ICA1L: variants seen among roughly 807,000 people sequenced by gnomAD.
The protein encoded by ICA1L is islet cell autoantigen 1 like, also known as islet cell autoantigen 1-like protein.
ICA1L carries 50 observed loss-of-function variants against 61.3 expected under a neutral mutation model. The ratio of observed to expected loss-of-function variants is 0.82; its 90% confidence interval spans 0.65 to 1.03. ICA1L has a LOEUF of 1.03. ICA1L is among the 50% of genes least tolerant of loss of function. The pLI is 0.00. For synonymous variants in ICA1L, 161 were observed against 191.3 expected (o/e 0.84, Z 1.31); for missense variants, 508 against 556.7 (o/e 0.91, Z 0.88).
At chr2:202,853,785 C>A (rs1190441989) in intron 1 of ICA1L, among the ~76,000 whole-genome samples, 2 of 152,080 alleles carry the variant, frequency 1.3e-5, no homozygotes, top group African/African-American at 2.4e-5. Flanking sequence ...TCATATCCAG[C>A]CAAACTAAGC....
chr2:202,834,693 G>T (rs4675299), intron 1 of ICA1L, among the ~76,000 whole-genome samples: 134,773 of 152,208 alleles, frequency 0.89, 60,411 homozygotes, highest in Non-Finnish European at 0.95. Context: ...CAATTATCAA[G>T]GTGCTGCCAT....
chr2:202,805,053 A>T (rs1391292242), intron 9 of ICA1L, among the ~76,000 whole-genome samples: 2 of 152,218 alleles, frequency 1.3e-5, no homozygotes, highest in East Asian at 3.8e-4. Flanking sequence ...ATCCTGATAC[A>T]AGCCCCATCA....
Position 202,796,809 on chromosome 2 carries a change from C to G in ICA1L, c.985+81G>C, listed in dbSNP as rs963193183. On this transcript the variant is annotated intron_variant, in intron 10 of 12. Transcript: ENST00000358299. ...TCTTATGTAGAGACCCAGACAGTTTCTAATGTTAAGGAAATAAATGTTAAA... is the reference window on the plus strand; with the variant it reads ...TCTTATGTAGAGACCCAGACAGTTTGTAATGTTAAGGAAATAAATGTTAAA... The G allele has an allele frequency of 2.6e-5, 21 of 816,660 alleles. No homozygotes were observed. In the African/African-American group the frequency reaches 3.6e-4, roughly 14 times the overall value. The allele number at this position is 816,660 out of a possible 1,614,324, so 50.6% of individuals were successfully genotyped here. A position where few individuals can be genotyped will look rare whatever the true frequency, so the allele number is the denominator to read the frequency against.
At chr2:202,816,946 TTAGAAA>T (rs1693555915) in intron 6 of ICA1L, among the ~76,000 whole-genome samples, 1 of 152,192 alleles carries the variant, frequency 6.6e-6, no homozygotes, top group South Asian at 2.1e-4. Flanking sequence ...AACATATAAC[TTAGAAA>T]TAGAAAACTT....
chr2:202,858,277 A>C (rs1216132390), intron 1 of ICA1L, among the ~76,000 whole-genome samples: 1 of 152,232 alleles, frequency 6.6e-6, no homozygotes, highest in African/African-American at 2.4e-5. Context: ...GCATCAAGGA[A>C]TACTATGCAG....
At chr2:202,871,555 G>A (rs1007495062) in intron 1 of ICA1L, 64 bp downstream of exon 1, 5 of 152,166 alleles carry the variant, frequency 3.3e-5, no homozygotes, top group African/African-American at 1.2e-4. Context: ...CCCGGGATTT[G>A]GTCTCCGGGC....
chr2:202,813,971 T>C (rs1252854603), intron 8 of ICA1L, among the ~76,000 whole-genome samples: 1 of 152,160 alleles, frequency 6.6e-6, no homozygotes, highest in African/African-American at 2.4e-5. Context: ...TGGCTCTTAA[T>C]ACAAGGCTCT....
chr2:202,865,801 T>G (rs766045418), intron 1 of ICA1L, among the ~76,000 whole-genome samples: 6 of 152,160 alleles, frequency 3.9e-5, no homozygotes, highest in Admixed American at 1.3e-4. Flanking sequence ...AAATTTTATT[T>G]TTTTTGGTAG....
At chr2:202,815,567 T>G (rs1007542504) in intron 7 of ICA1L, among the ~76,000 whole-genome samples, 1 of 152,178 alleles carries the variant, frequency 6.6e-6, no homozygotes, top group Admixed American at 6.5e-5. Context: ...CCTCTTAAGA[T>G]CTTCCTTTGC....
chr2:202,791,815 A>T (rs1249872026), intron 10 of ICA1L, among the ~76,000 whole-genome samples: 1 of 152,156 alleles, frequency 6.6e-6, no homozygotes, highest in African/African-American at 2.4e-5. Context: ...ATTGCACTCA[A>T]GCCTGGGCAA....
intron 1 of ICA1L, among the ~76,000 whole-genome samples, chr2:202,845,926 A>G (rs1283993938): frequency 6.6e-6 from 1 of 152,224 alleles, no homozygotes; most frequent in African/African-American, 2.4e-5. Flanking sequence ...ATATTAGTCA[A>G]ACCTGCTGTT....
intron 7 of ICA1L, 113 bp downstream of exon 7, chr2:202,815,798 T>A: frequency 3.4e-6 from 2 of 590,450 alleles, no homozygotes; most frequent in Non-Finnish European, 5.5e-6. Flanking sequence ...AAAATGTTTC[T>A]CAATGTTTTG....
At position 202,826,748 on chromosome 2, in the gene ICA1L, A is replaced by AT. The variant is rs747276403; in HGVS notation, c.163-982dup. 2.6e-3 allele frequency among the ~76,000 whole-genome samples: 370 copies of AT among 141,436 alleles called. 1 individual carries two copies. Among genetic ancestry groups the AT allele is most frequent in the Middle Eastern group, 3.8e-3 (1 of 264 alleles). 92.8% of individuals were successfully genotyped at this position (141,436 alleles called of 152,430 possible). Reference sequence around the variant, plus strand: ...GCCTCCCAAAGTTCTGGGATTACAGATTTTTTTTTTTTTTTAGCAAGGCCT... The same window carrying AT: ...GCCTCCCAAAGTTCTGGGATTACAGATTTTTTTTTTTTTTTTAGCAAGGCCT... On this transcript the variant is annotated intron_variant, in intron 2 of 12. Coordinates refer to ENST00000358299, the MANE Select transcript of ICA1L (RefSeq NM_001288622.3).
intron 9 of ICA1L, among the ~76,000 whole-genome samples, chr2:202,803,014 T>C (rs755011566): frequency 4.6e-5 from 7 of 151,902 alleles, no homozygotes; most frequent in African/African-American, 1.7e-4. Flanking sequence ...AATAAACAAA[T>C]GGGCTAAACT....
At chr2:202,801,412 G>A (rs1447176832) in intron 9 of ICA1L, among the ~76,000 whole-genome samples, 3 of 152,144 alleles carry the variant, frequency 2.0e-5, no homozygotes, top group Non-Finnish European at 4.4e-5. Context: ...CAAAGGCTTA[G>A]TTTTTTATTC....
intron 3 of ICA1L, among the ~76,000 whole-genome samples, chr2:202,824,020 T>C (rs921783099): frequency 6.6e-6 from 1 of 152,162 alleles, no homozygotes; most frequent in African/African-American, 2.4e-5. Context: ...ATGAGAAAAA[T>C]TATTGATTCA....
chr2:202,811,912 C>T (rs1481989573), intron 8 of ICA1L, 123 bp from the exon 9 acceptor site: 1 of 716,302 alleles, frequency 1.4e-6, no homozygotes, highest in Non-Finnish European at 2.5e-6. Flanking sequence ...TCATTGTCCA[C>T]TAGATCCCCT....
rs1180641174 is a variant in ICA1L, at chr2:202,849,501, C to T, written c.-7-20485G>A. Among the ~76,000 whole-genome samples the T allele has an allele frequency of 2.7e-5, 4 of 150,210 alleles. No homozygotes were observed. Among genetic ancestry groups the T allele is most frequent in the Admixed American group, 2.6e-4 (4 of 15,216 alleles). On this transcript the variant is annotated intron_variant, in intron 1 of 12. Transcript: ENST00000358299. The surrounding 1 kb of genome is among the most constrained non-coding windows in gnomAD (Gnocchi z 4.5). ...AGTAGGCAGTTTTCCCCTGACAGTG[C>T]TAAGGAGGCCAGGCAGTTTAGACTG... is the stretch of plus-strand genomic sequence containing the variant.
chr2:202,835,686 A>AC (rs2105866274), intron 1 of ICA1L, among the ~76,000 whole-genome samples: 1 of 148,474 alleles, frequency 6.7e-6, no homozygotes, highest in South Asian at 2.2e-4. Context: ...ATCTAGGACT[A>AC]CAGTTTGTGC....
Sources: gnomAD v4.1 joint callset for allele counts (sites outside exome capture counted in the v4.1 genomes callset) on GRCh38, gnomAD v4.1.1 for gene constraint, Gnocchi (gnomAD v3.1) non-coding constraint, MANE v1.5 for transcripts, NCBI Gene and HGNC (gene_info 2026-07-23, HGNC 2026-07-21) for gene names.